Variants in RBM46 observed in about 807,000 individuals in gnomAD.
RBM46 encodes RNA binding motif protein 46.
Under a neutral mutation model 43.3 loss-of-function variants are expected in RBM46, and 12 were observed. The ratio of observed to expected loss-of-function variants is 0.28; its 90% CI spans 0.18 to 0.45. RBM46 has a LOEUF of 0.45. Ranked by LOEUF, RBM46 falls within the 20% of genes least tolerant of loss-of-function variation. The probability of loss-of-function intolerance (pLI) is 1.00; values close to 1 mark genes in which losing one functional copy is unlikely to be tolerated. For missense variants in RBM46, 412 were observed against 639.1 expected (o/e 0.64, Z 3.83); for synonymous variants, 205 against 207.6 (o/e 0.99, Z 0.11).
At chr4:154,817,880 ATTAG>A (rs1421640883) in intron 4 of RBM46, among the ~76,000 whole-genome samples, 2 of 151,548 alleles carry the variant, frequency 1.3e-5, no homozygotes, top group Admixed American at 6.6e-5. Flanking sequence ...CTTTAGCTGT[ATTAG>A]TTATTCAGTC....
At chr4:154,819,049 T>C (rs191782320) in intron 4 of RBM46, among the ~76,000 whole-genome samples, 1 of 152,192 alleles carries the variant, frequency 6.6e-6, no homozygotes, top group Admixed American at 6.5e-5. Flanking sequence ...GCTGTTTCTG[T>C]TGGTTTTAGG....
At chr4:154,802,602 G>A (rs898091670) in intron 4 of RBM46, among the ~76,000 whole-genome samples, 14 of 152,144 alleles carry the variant, frequency 9.2e-5, no homozygotes, top group African/African-American at 1.7e-4. Context: ...AAATACTTAC[G>A]TAGTCCAAGG....
chr4:154,828,730 G>A lies in RBM46; in HGVS notation c.*663G>A, dbSNP rs1207559290. ...ATTCTTTGTATTGTTAATAACAAGT[G>A]TTATGGGTTTTTAATGTTGAAATCA... On this transcript the variant is annotated 3_prime_UTR_variant, in exon 5 of 5. Transcript: ENST00000281722. 3 of 152,518 alleles carry A rather than the reference G, an allele frequency of 2.0e-5. No individual in the cohort carries two copies. The highest frequency in any genetic ancestry group is 4.4e-5 in the Non-Finnish European group (3 of 68,012). The allele number at this position is 152,518 out of a possible 1,614,324, so 9.4% of individuals were successfully genotyped here.
chr4:154,790,889 T>G (rs898689588), intron 1 of RBM46, among the ~76,000 whole-genome samples: 2 of 152,160 alleles, frequency 1.3e-5, no homozygotes, highest in Non-Finnish European at 2.9e-5. Context: ...ATTCGGATAC[T>G]TGATATAGGG....
intron 2 of RBM46, 82 bp downstream of exon 2, chr4:154,796,985 A>T (rs555963304): frequency 1.7e-6 from 2 of 1,183,914 alleles, no homozygotes; most frequent in South Asian, 3.1e-5. Context: ...AAGTATTCCA[A>T]ACAATAGCTC....
At chr4:154,788,106 A>T (rs1205886932) in intron 1 of RBM46, among the ~76,000 whole-genome samples, 2 of 152,000 alleles carry the variant, frequency 1.3e-5, no homozygotes, top group African/African-American at 2.4e-5. Context: ...AGATGGTTAG[A>T]TTGTAAAAAT....
At chr4:154,827,185 A>G (rs1736008293) in intron 4 of RBM46, 1 of 888,554 alleles carries the variant, frequency 1.1e-6, no homozygotes, top group Non-Finnish European at 1.4e-6. Flanking sequence ...TTTTTTAATA[A>G]TTTGGTTTAA....
chr4:154,799,755 CTTTTTTTT>C (rs35629123), intron 4 of RBM46, among the ~76,000 whole-genome samples, 191 bp downstream of exon 4: 12 of 114,652 alleles, frequency 1.0e-4, no homozygotes, highest in African/African-American at 4.1e-4. Flanking sequence ...TTTAGCTTTT[CTTTTTTTT>C]TTTTTTTTTT....
At chr4:154,785,614 T>G (rs1733722961) in intron 1 of RBM46, among the ~76,000 whole-genome samples, 1 of 152,170 alleles carries the variant, frequency 6.6e-6, no homozygotes, top group Non-Finnish European at 1.5e-5. Context: ...TTTCTCTCAC[T>G]GTTTTTCCTG....
chr4:154,799,385 C>T lies in RBM46; in HGVS notation c.1223C>T (p.Ala408Val), dbSNP rs755489276. ...TATTACTGCAACAAAAATAACTGGG[C>T]ACCACCAGAATATTATTTATATTCA... The part of the protein sequence containing the change: ...LDYYCNKNNW[A>V]PPEYYLYSTT... The change falls in exon 4 of 5, where the codon GCA (alanine) becomes GTA (valine). Residue 408 changes from alanine (A) to valine (V), a missense_variant. Ala to Val is a moderately conservative substitution (Grantham distance 64). Transcript: ENST00000281722. 3.1e-6 allele frequency: 5 copies of T among 1,613,902 alleles called. No homozygotes were observed. In the East Asian group the frequency reaches 6.7e-5, roughly 22 times the overall value.
chr4:154,811,667 G>C (rs867518826), intron 4 of RBM46, among the ~76,000 whole-genome samples: 78 of 122,296 alleles, frequency 6.4e-4, no homozygotes, highest in African/African-American at 2.3e-3. Flanking sequence ...GTGTGTGTGT[G>C]TCTGTGTGTG....
chr4:154,810,540 A>G (rs747986700), intron 4 of RBM46, among the ~76,000 whole-genome samples: 12 of 152,152 alleles, frequency 7.9e-5, no homozygotes, highest in Non-Finnish European at 1.5e-4. Context: ...TTTAGTCTTT[A>G]TCTTTGGAGC....
At chr4:154,821,394 ACTTTTTTTT>A (rs912630488) in intron 4 of RBM46, among the ~76,000 whole-genome samples, 1 of 151,578 alleles carries the variant, frequency 6.6e-6, no homozygotes, top group African/African-American at 2.4e-5. Context: ...GTGAGCTACA[ACTTTTTTTT>A]TAACCTATAC....
At chr4:154,809,021 A>G (rs1384755633) in intron 4 of RBM46, among the ~76,000 whole-genome samples, 1 of 151,712 alleles carries the variant, frequency 6.6e-6, no homozygotes, top group African/African-American at 2.4e-5. Flanking sequence ...TGAGATAGTA[A>G]TGATTTTCTC....
At chr4:154,800,695 A>G (rs939513603) in intron 4 of RBM46, among the ~76,000 whole-genome samples, 1 of 148,652 alleles carries the variant, frequency 6.7e-6, no homozygotes, top group African/African-American at 2.5e-5. Flanking sequence ...AATAATATTT[A>G]TTGGAAGAGT....
chr4:154,816,864 A>G (rs922160661), intron 4 of RBM46, among the ~76,000 whole-genome samples: 5 of 152,054 alleles, frequency 3.3e-5, no homozygotes, highest in South Asian at 2.1e-4. Flanking sequence ...CCTGCTTTGT[A>G]TGAGTTTTTA....
chr4:154,800,382 C>T (rs573197127), intron 4 of RBM46, among the ~76,000 whole-genome samples: 6 of 152,260 alleles, frequency 3.9e-5, no homozygotes, highest in African/African-American at 9.6e-5. Flanking sequence ...CATTATCACT[C>T]ATGAAAGACA....
In RBM46 at chr4:154,799,018, G is replaced by A. The variant is rs779609609; in HGVS notation, c.856G>A (p.Ala286Thr). ...VHFFNREDAVAAMSVMNGKCI... is the reference protein window; with the variant it reads ...VHFFNREDAVTAMSVMNGKCI... ...CTTTTTCAACCGAGAAGATGCAGTG[G>A]CTGCCATGTCTGTTATGAATGGAAA... Residue 286 changes from alanine to threonine, a missense_variant, in exon 4 of 5, where the codon GCT (alanine) becomes ACT (threonine). By Grantham distance (58) the Ala-to-Thr change is moderately conservative. Coordinates refer to ENST00000281722, the MANE Select transcript of RBM46 (RefSeq NM_144979.5). 1 of 1,614,112 alleles carries A rather than the reference G, an allele frequency of 6.2e-7. No individual in the cohort carries two copies. Among genetic ancestry groups the A allele is most frequent in the Non-Finnish European group, 8.5e-7 (1 of 1,180,016 alleles).
intron 4 of RBM46, among the ~76,000 whole-genome samples, chr4:154,813,722 T>C (rs1735295916): frequency 6.6e-6 from 1 of 152,016 alleles, no homozygotes; most frequent in South Asian, 2.1e-4. Flanking sequence ...AGGTGTAGAC[T>C]GAGAAGATGG....
Sources: allele counts gnomAD v4.1 joint callset (sites outside exome capture counted in the v4.1 genomes callset), GRCh38; gene constraint gnomAD v4.1.1; transcripts MANE v1.5; gene names NCBI Gene and HGNC (gene_info 2026-07-23, HGNC 2026-07-21).